RPRD1B: variants seen among roughly 807,000 people sequenced by gnomAD.
RPRD1B encodes regulation of nuclear pre-mRNA domain containing 1B, also known as regulation of nuclear pre-mRNA domain-containing protein 1B.
RPRD1B carries 11 observed loss-of-function variants against 41.5 expected under a neutral mutation model. The observed-to-expected ratio is 0.27, with a 90% CI of 0.17 to 0.44. The LOEUF is 0.44. Among genes scored for constraint, RPRD1B ranks in the 20% least tolerant of loss-of-function variants. RPRD1B has a pLI of 1.00. For missense variants in RPRD1B, 248 were observed against 389.9 expected (o/e 0.64, Z 3.06); for synonymous variants, 158 against 155.6 (o/e 1.02, Z -0.12).
At chr20:38,082,993 C>T (rs6068747) in intron 6 of RPRD1B, among the ~76,000 whole-genome samples, 1 of 152,000 alleles carries the variant, frequency 6.6e-6, no homozygotes, top group Non-Finnish European at 1.5e-5. Flanking sequence ...GTTAGTTTGT[C>T]TTTTTCCTTT....
At chr20:38,077,860 T>G (rs936732257) in intron 6 of RPRD1B, among the ~76,000 whole-genome samples, 2 of 152,132 alleles carry the variant, frequency 1.3e-5, no homozygotes, top group African/African-American at 4.8e-5. Context: ...AAGTAGCTTC[T>G]CATTATTCCT....
At chr20:38,078,499 C>G (rs1408632089) in intron 6 of RPRD1B, among the ~76,000 whole-genome samples, 1 of 152,146 alleles carries the variant, frequency 6.6e-6, no homozygotes, top group African/African-American at 2.4e-5. Flanking sequence ...TCTTAGCTCC[C>G]TAGCTTTTTC....
At chr20:38,038,271 T>C (rs1441503358) in intron 1 of RPRD1B, among the ~76,000 whole-genome samples, 1 of 151,976 alleles carries the variant, frequency 6.6e-6, no homozygotes, top group Non-Finnish European at 1.5e-5. Flanking sequence ...GCTATTAAAA[T>C]CATGTTTTTA....
In RPRD1B at chr20:38,063,349, T is replaced by A. The variant is rs543891354; in HGVS notation, c.656-2732T>A. Among the ~76,000 whole-genome samples the A allele has an allele frequency of 4.6e-5, 7 of 152,378 alleles. No individual in the cohort carries two copies. The South Asian group carries it at 1.4e-3, about 32-fold the overall frequency. On this transcript the variant is annotated intron_variant, in intron 5 of 6. Coordinates refer to ENST00000373433, the MANE Select transcript of RPRD1B (RefSeq NM_021215.4). ...TAATATTTATTGTATATTGATTCTCTTCCTACCTGATAATATAAACTTGAG... is the reference window on the plus strand; with the variant it reads ...TAATATTTATTGTATATTGATTCTCATCCTACCTGATAATATAAACTTGAG...
intron 6 of RPRD1B, among the ~76,000 whole-genome samples, chr20:38,083,629 C>G (rs1470236420): frequency 5.3e-5 from 8 of 152,172 alleles, no homozygotes; most frequent in Non-Finnish European, 7.3e-5. Context: ...AAGCTCGCTC[C>G]CATTTGGAGT....
intron 3 of RPRD1B, among the ~76,000 whole-genome samples, chr20:38,056,399 A>T (rs908398007): frequency 1.3e-5 from 2 of 150,082 alleles, no homozygotes; most frequent in South Asian, 2.1e-4. Flanking sequence ...CTAAAAAAAA[A>T]AAATAAAAAT....
At chr20:38,049,189 T>G (rs963801802) in intron 3 of RPRD1B, among the ~76,000 whole-genome samples, 3 of 151,956 alleles carry the variant, frequency 2.0e-5, no homozygotes, top group Admixed American at 6.6e-5. Flanking sequence ...CCTCAAGTGA[T>G]CTGCCCGCCT....
chr20:38,051,950 C>T (rs1225437214), intron 3 of RPRD1B, among the ~76,000 whole-genome samples: 2 of 152,100 alleles, frequency 1.3e-5, no homozygotes, highest in Admixed American at 6.6e-5. Flanking sequence ...GGGGTTTCTC[C>T]ATGTTGGTCA....
At chr20:38,062,837 CCT>C (rs1491502801) in intron 5 of RPRD1B, among the ~76,000 whole-genome samples, 12 of 98,330 alleles carry the variant, frequency 1.2e-4, no homozygotes, top group African/African-American at 2.4e-4. Context: ...AGCCCCCCCC[CCT>C]TTTTTTTTTT....
intron 5 of RPRD1B, among the ~76,000 whole-genome samples, chr20:38,065,241 C>T (rs947387342): frequency 2.0e-5 from 3 of 152,150 alleles, no homozygotes; most frequent in Non-Finnish European, 2.9e-5. Context: ...GATCTGGCTT[C>T]GAGCCCCAGC....
At position 38,091,027 on chromosome 20, in the gene RPRD1B, T is replaced by C. The variant is rs755698173; in HGVS notation, c.*1152T>C. The C allele has an allele frequency of 1.6e-5, 16 of 985,726 alleles. No homozygotes were observed. The highest frequency in any genetic ancestry group is 4.7e-5 in the South Asian group (1 of 21,280). 61.1% of individuals were successfully genotyped at this position (985,726 alleles called of 1,614,324 possible). ...TTAATTGGGGGTTTTAATTCTATTA[T>C]CATGTCAGCTGACATTATGACTATA... On this transcript the variant is annotated 3_prime_UTR_variant, in exon 7 of 7. Transcript: ENST00000373433.
In RPRD1B at chr20:38,091,420, C is replaced by T; in HGVS notation, c.*1545C>T. 1 of 985,356 alleles carries T rather than the reference C, an allele frequency of 1.0e-6. No individual in the cohort carries two copies. Among genetic ancestry groups the T allele is most frequent in the Non-Finnish European group, 1.2e-6 (1 of 829,900 alleles). The allele number at this position is 985,356 out of a possible 1,614,324, so 61.0% of individuals were successfully genotyped here. On this transcript the variant is annotated 3_prime_UTR_variant, in exon 7 of 7. Coordinates refer to ENST00000373433, the MANE Select transcript of RPRD1B (RefSeq NM_021215.4). ...GAACAATGAAAAGTCATAGCAGATACTCAGTTTAACTCTGTGTAGAACCTA... is the reference window on the plus strand; with the variant it reads ...GAACAATGAAAAGTCATAGCAGATATTCAGTTTAACTCTGTGTAGAACCTA...
At chr20:38,059,277 T>G in intron 4 of RPRD1B, 117 bp from the exon 5 acceptor site, 1 of 1,112,432 alleles carries the variant, frequency 9.0e-7, no homozygotes, top group Non-Finnish European at 1.3e-6. Context: ...CAGTTTTTTT[T>G]AAGAAATGGC....
At chr20:38,085,840 T>A (rs1298603616) in intron 6 of RPRD1B, among the ~76,000 whole-genome samples, 1 of 113,778 alleles carries the variant, frequency 8.8e-6, no homozygotes, top group Non-Finnish European at 1.6e-5. Flanking sequence ...GGAGTCAGTC[T>A]TTTTTTTTTT....
intron 6 of RPRD1B, among the ~76,000 whole-genome samples, chr20:38,082,805 A>G (rs1262828198): frequency 6.6e-6 from 1 of 152,194 alleles, no homozygotes; most frequent in Non-Finnish European, 1.5e-5. Flanking sequence ...TTGCTAATGG[A>G]AAGGAATTGA....
chr20:38,066,653 G>C (rs2074359730), intron 6 of RPRD1B, among the ~76,000 whole-genome samples: 1 of 152,152 alleles, frequency 6.6e-6, no homozygotes. Context: ...GTCATTTGGA[G>C]GTTTATTTCT....
At chr20:38,087,571 T>C (rs1410174838) in intron 6 of RPRD1B, among the ~76,000 whole-genome samples, 1 of 152,216 alleles carries the variant, frequency 6.6e-6, no homozygotes, top group Non-Finnish European at 1.5e-5. Flanking sequence ...AGGAAGTCCG[T>C]GTTCTGTAGT....
chr20:38,058,857 C>T (rs1041542047), intron 4 of RPRD1B, among the ~76,000 whole-genome samples: 2 of 152,082 alleles, frequency 1.3e-5, no homozygotes, highest in Non-Finnish European at 2.9e-5. Context: ...TAGACATATG[C>T]CACCATGCTT....
chr20:38,057,757 C>T (rs1380022622), intron 4 of RPRD1B, 113 bp downstream of exon 4: 2 of 713,242 alleles, frequency 2.8e-6, no homozygotes, highest in South Asian at 3.6e-5. Context: ...TCAGAGGGCA[C>T]CTCTCAGGGG....
Sources: allele counts gnomAD v4.1 joint callset (sites outside exome capture counted in the v4.1 genomes callset), GRCh38; gene constraint gnomAD v4.1.1; transcripts MANE v1.5; gene names NCBI Gene and HGNC (gene_info 2026-07-23, HGNC 2026-07-21).